Variants in RBFOX3 observed in about 807,000 individuals in gnomAD.
The protein encoded by RBFOX3 is RNA binding fox-1 homolog 3.
Under a neutral mutation model 48.7 loss-of-function variants are expected in RBFOX3, and 17 were observed. The observed-to-expected ratio is 0.35, with a 90% confidence interval of 0.24 to 0.52. The LOEUF is 0.52. Ranked by LOEUF, RBFOX3 falls within the 20% of genes least tolerant of loss-of-function variation. RBFOX3 has a pLI of 0.94. For missense variants in RBFOX3, 382 were observed against 497.5 expected (o/e 0.77, Z 2.21); for synonymous variants, 212 against 209.5 (o/e 1.01, Z -0.10).
intron 1 of RBFOX3, among the ~76,000 whole-genome samples, chr17:79,502,667 A>G (rs1233095307): frequency 2.0e-5 from 3 of 152,328 alleles, no homozygotes; most frequent in Non-Finnish European, 4.4e-5. Flanking sequence ...AGCAGCTCCA[A>G]TCTTGCCTTT....
In RBFOX3 at chr17:79,089,797, C is replaced by G. The variant is rs2073570699; in HGVS notation, c.*1086G>C. The G allele has an allele frequency of 6.6e-6, 1 of 152,614 alleles. No homozygotes were observed. The highest frequency in any genetic ancestry group is 2.4e-5 in the African/African-American group (1 of 41,446). 9.5% of individuals were successfully genotyped at this position (152,614 alleles called of 1,614,324 possible). On this transcript the variant is annotated 3_prime_UTR_variant, in exon 15 of 15. Coordinates refer to ENST00000693108, the MANE Select transcript of RBFOX3 (RefSeq NM_001350451.2). ...CCTCCCACCGGGTAAGCCTGGCTGT[C>G]CTTGGTGCTGCTCCCGCCACCTGGA...
intron 2 of RBFOX3, among the ~76,000 whole-genome samples, chr17:79,446,645 C>G (rs2072363519): frequency 6.6e-6 from 1 of 152,214 alleles, no homozygotes; most frequent in African/African-American, 2.4e-5. Flanking sequence ...AACTCACCAC[C>G]CTTTTTCTAG....
chr17:79,186,920 C>T (rs1317162807), intron 4 of RBFOX3, among the ~76,000 whole-genome samples: 1 of 152,234 alleles, frequency 6.6e-6, no homozygotes, highest in Non-Finnish European at 1.5e-5. Flanking sequence ...GGCACTGCCT[C>T]TCCTCCAGTT....
intron 1 of RBFOX3, among the ~76,000 whole-genome samples, chr17:79,546,158 C>T (rs2090402578): frequency 6.6e-6 from 1 of 152,208 alleles, no homozygotes; most frequent in African/African-American, 2.4e-5. Context: ...TTTCCATCTC[C>T]CTGATCTATA....
At chr17:79,251,407 C>T (rs528396790) in intron 3 of RBFOX3, among the ~76,000 whole-genome samples, 2 of 152,258 alleles carry the variant, frequency 1.3e-5, no homozygotes, top group South Asian at 2.1e-4. Context: ...GATTCAGCAC[C>T]CCCAAACTCA....
intron 4 of RBFOX3, among the ~76,000 whole-genome samples, chr17:79,208,958 G>C (rs960251993): frequency 6.6e-6 from 1 of 152,168 alleles, no homozygotes; most frequent in African/African-American, 2.4e-5. Flanking sequence ...TGGGACTACA[G>C]GCACCCGCCA....
chr17:79,656,764 AGG>A, the RBFOX3 span, among the ~76,000 whole-genome samples: 49,207 of 95,536 alleles, frequency 0.52, 13,824 homozygotes, highest in Middle Eastern at 0.65. Context: ...GAAGGAAGGA[AGG>A]AAGGAAGGAA....
chr17:79,377,859 G>A (rs1158052088), intron 2 of RBFOX3, among the ~76,000 whole-genome samples: 1 of 152,162 alleles, frequency 6.6e-6, no homozygotes, highest in African/African-American at 2.4e-5. Flanking sequence ...TGCGGGACTG[G>A]GTCACCTGAG....
At chr17:79,420,128 T>TTCATACAC (rs1467169323) in intron 2 of RBFOX3, among the ~76,000 whole-genome samples, 2 of 114,274 alleles carry the variant, frequency 1.8e-5, no homozygotes, top group African/African-American at 7.1e-5. Flanking sequence ...CTCCGTCTCA[T>TTCATACAC]ACACACACAC....
chr17:79,399,351 A>G (rs1392344476), intron 2 of RBFOX3, among the ~76,000 whole-genome samples: 5 of 152,362 alleles, frequency 3.3e-5, no homozygotes, highest in Admixed American at 3.3e-4. Flanking sequence ...CCGCACACAC[A>G]CAGCTGGTAA....
chr17:79,176,072 G>A (rs16972079), intron 4 of RBFOX3, among the ~76,000 whole-genome samples: 4,931 of 152,268 alleles, frequency 0.032, 255 homozygotes, highest in African/African-American at 0.11. Context: ...TCTAAACTCA[G>A]GGCCTACTGT....
intron 3 of RBFOX3, among the ~76,000 whole-genome samples, chr17:79,246,028 A>G (rs78161768): frequency 1.2e-4 from 18 of 151,362 alleles, no homozygotes; most frequent in African/African-American, 4.1e-4. Context: ...AAAAAAAAAA[A>G]TTGTTGCTCA....
At chr17:79,334,415 T>C (rs2080876303) in intron 2 of RBFOX3, among the ~76,000 whole-genome samples, 1 of 152,206 alleles carries the variant, frequency 6.6e-6, no homozygotes, top group African/African-American at 2.4e-5. Flanking sequence ...TCGGAACCTG[T>C]CCCTTTCTGG....
intron 2 of RBFOX3, among the ~76,000 whole-genome samples, chr17:79,467,705 G>A (rs1377293439): frequency 2.6e-5 from 4 of 152,170 alleles, no homozygotes; most frequent in Non-Finnish European, 5.9e-5. Context: ...TGGAACGTGT[G>A]CCCCACCTGC....
chr17:79,255,724 C>T (rs978487765), intron 3 of RBFOX3, among the ~76,000 whole-genome samples: 1 of 152,054 alleles, frequency 6.6e-6, no homozygotes, highest in Admixed American at 6.5e-5. Context: ...GATCACCATC[C>T]CGGGGGCACC....
chr17:79,155,846 G>A (rs9789036), intron 4 of RBFOX3, among the ~76,000 whole-genome samples: 37,208 of 152,120 alleles, frequency 0.24, 5,692 homozygotes, highest in Non-Finnish European at 0.32. Context: ...TCCCGATGGT[G>A]GCTGGGGGTA....
intron 2 of RBFOX3, among the ~76,000 whole-genome samples, chr17:79,345,295 G>A (rs561065013): frequency 6.6e-6 from 1 of 152,314 alleles, no homozygotes; most frequent in East Asian, 1.9e-4. Flanking sequence ...TCTAATGGCT[G>A]CAGGGTCTGT....
intron 1 of RBFOX3, among the ~76,000 whole-genome samples, chr17:79,578,571 G>A (rs2092939087): frequency 1.3e-5 from 2 of 152,188 alleles, no homozygotes; most frequent in Non-Finnish European, 2.9e-5. Flanking sequence ...CCTGAGACCC[G>A]CTCCGGGCCA....
intron 1 of RBFOX3, among the ~76,000 whole-genome samples, chr17:79,501,579 T>G (rs1448394606): frequency 6.6e-6 from 1 of 152,256 alleles, no homozygotes; most frequent in African/African-American, 2.4e-5. Context: ...TTGTTCCAGC[T>G]GGGCCCCTCC....
Sources: gnomAD v4.1 joint callset for allele counts (sites outside exome capture counted in the v4.1 genomes callset) on GRCh38, gnomAD v4.1.1 for gene constraint, MANE v1.5 for transcripts, NCBI Gene and HGNC (gene_info 2026-07-23, HGNC 2026-07-21) for gene names.